Variants in GOSR1 observed in about 807,000 individuals in gnomAD.
GOSR1 encodes the protein golgi SNAP receptor complex member 1.
GOSR1 carries 21 observed loss-of-function variants against 35.5 expected under a neutral mutation model. The ratio of observed to expected loss-of-function variants is 0.59; its 90% CI spans 0.42 to 0.85. The LOEUF (loss-of-function observed/expected upper bound fraction) is 0.85, where lower values mean the gene tolerates loss of function less well. Ranked by LOEUF, GOSR1 falls within the 40% of genes least tolerant of loss-of-function variation. The probability of loss-of-function intolerance (pLI) is 0.00; values close to 1 mark genes in which losing one functional copy is unlikely to be tolerated. For synonymous variants in GOSR1, 94 were observed against 106.6 expected (o/e 0.88, Z 0.73); for missense variants, 285 against 309.6 (o/e 0.92, Z 0.60).
At chr17:30,509,806 TA>T (rs1194497886) in intron 6 of GOSR1, among the ~76,000 whole-genome samples, 1 of 151,864 alleles carries the variant, frequency 6.6e-6, no homozygotes, top group African/African-American at 2.4e-5. Context: ...AAATTTTAGT[TA>T]AAAAAAAGCC....
intron 6 of GOSR1, among the ~76,000 whole-genome samples, chr17:30,509,841 A>AT (rs1395279034): frequency 9.2e-5 from 14 of 152,250 alleles, no homozygotes; most frequent in African/African-American, 3.1e-4. Flanking sequence ...AGAAATAAAC[A>AT]TTAAGATGTA....
At chr17:30,485,142 A>G (rs917246309) in intron 4 of GOSR1, 5 of 320,896 alleles carry the variant, frequency 1.6e-5, no homozygotes, top group Admixed American at 4.2e-5. Context: ...TGGAGGGGGA[A>G]TTATTTACTA....
chr17:30,516,498 A>T (rs1967823826), intron 7 of GOSR1, among the ~76,000 whole-genome samples: 1 of 151,578 alleles, frequency 6.6e-6, no homozygotes, highest in South Asian at 2.1e-4. Flanking sequence ...AGAAAAAGTC[A>T]GTCTCCTGGT....
intron 4 of GOSR1, among the ~76,000 whole-genome samples, chr17:30,487,782 T>C (rs1433677069): frequency 1.3e-5 from 2 of 152,190 alleles, no homozygotes; most frequent in African/African-American, 4.8e-5. Flanking sequence ...TTTTTTTTTT[T>C]CTTGAGACGG....
chr17:30,477,610 G>C, intron 1 of GOSR1, 146 bp downstream of exon 1: 1 of 1,379,170 alleles, frequency 7.3e-7, no homozygotes, highest in Non-Finnish European at 9.5e-7. Flanking sequence ...GGGATCCCCG[G>C]GGCCTTGGGG....
At chr17:30,488,314 G>A (rs755073153) in intron 4 of GOSR1, among the ~76,000 whole-genome samples, 5 of 150,064 alleles carry the variant, frequency 3.3e-5, no homozygotes, top group East Asian at 2.0e-4. Context: ...CCAGGCGCTC[G>A]CCACCATGCC....
In GOSR1 at chr17:30,527,369, A is replaced by T. The variant is rs973477721; in HGVS notation, c.*4991A>T. 6.6e-6 allele frequency: 1 copy of T among 152,176 alleles called. No homozygotes were observed. The highest frequency in any genetic ancestry group is 2.4e-5 in the African/African-American group (1 of 41,446). The allele number at this position is 152,176 out of a possible 1,614,324, so 9.4% of individuals were successfully genotyped here. A position where few individuals can be genotyped will look rare whatever the true frequency, so the allele number is the denominator to read the frequency against. On this transcript the variant is annotated 3_prime_UTR_variant, in exon 9 of 9. Coordinates refer to ENST00000451249, the MANE Select transcript of GOSR1 (RefSeq NM_001007025.2). The stretch of plus-strand genomic sequence containing the variant: ...TGTCTCAAAAATAAATTAATTTTTT[A>T]AAAATCGTGTACTGCTGGGCTTTAG...
intron 1 of GOSR1, chr17:30,479,318 G>A (rs561644198): frequency 1.3e-5 from 2 of 152,222 alleles, no homozygotes; most frequent in East Asian, 1.9e-4. Flanking sequence ...CTGTGTGTGG[G>A]TGTCCAGACT....
intron 8 of GOSR1, chr17:30,520,246 A>G (rs1009638855): frequency 2.6e-6 from 1 of 386,304 alleles, no homozygotes; most frequent in African/African-American, 2.1e-5. Flanking sequence ...GATGTAGAAG[A>G]AAAAAATTAT....
chr17:30,492,809 C>A, intron 6 of GOSR1, 56 bp downstream of exon 6: 1 of 980,358 alleles, frequency 1.0e-6, no homozygotes, highest in Non-Finnish European at 1.7e-6. Context: ...AATTCATTTA[C>A]TTATGTAACC....
intron 4 of GOSR1, among the ~76,000 whole-genome samples, chr17:30,489,326 T>G (rs1455350868): frequency 6.6e-6 from 1 of 152,068 alleles, no homozygotes; most frequent in Non-Finnish European, 1.5e-5. Flanking sequence ...GTGTTTGCAG[T>G]GAGCTGAGAT....
chr17:30,488,130 G>T (rs1009621998), intron 4 of GOSR1, among the ~76,000 whole-genome samples: 5 of 122,156 alleles, frequency 4.1e-5, no homozygotes, highest in Admixed American at 1.6e-4. Flanking sequence ...TTTAAGCTCT[G>T]TTGAACTTAA....
intron 2 of GOSR1, 101 bp downstream of exon 2, chr17:30,481,358 T>A: frequency 2.6e-6 from 2 of 782,248 alleles, no homozygotes; most frequent in Non-Finnish European, 4.0e-6. Context: ...GGTCTATTGG[T>A]GAATTTTTGG....
At position 30,477,461 on chromosome 17, in the gene GOSR1, G is replaced by C. The variant is rs776489073; in HGVS notation, c.28G>C (p.Glu10Gln). Residue 10 changes from glutamate to glutamine, a missense_variant, in exon 1 of 9, where the codon GAA (glutamate) becomes CAA (glutamine). Around this residue, in one of 3 missense-constraint regions of GOSR1, gnomAD observed 108 missense variants for 98.9 expected, o/e 1.09. Transcript: ENST00000451249. ...GGCGGCAGGGACCAGCAGTTACTGG[G>C]AAGGTGAGGGCGAGAAGGCCTCCGG... MAAGTSSYW[E>Q]DLRKQARQLE... The C allele has an allele frequency of 6.2e-7, 1 of 1,608,460 alleles. No individual in the cohort carries two copies. The highest frequency in any genetic ancestry group is 8.5e-7 in the Non-Finnish European group (1 of 1,176,834).
At chr17:30,495,664 T>C in intron 6 of GOSR1, 1 of 280,176 alleles carries the variant, frequency 3.6e-6, no homozygotes, top group Non-Finnish European at 7.2e-6. Flanking sequence ...CTCATGAGTT[T>C]GTCTGTATTT....
chr17:30,496,336 A>C (rs1361105941), intron 6 of GOSR1, among the ~76,000 whole-genome samples: 1 of 152,148 alleles, frequency 6.6e-6, no homozygotes, highest in African/African-American at 2.4e-5. Flanking sequence ...TGCTGTCAAT[A>C]GGCACATCAG....
chr17:30,503,088 T>C (rs1967274732), intron 6 of GOSR1, among the ~76,000 whole-genome samples: 1 of 152,254 alleles, frequency 6.6e-6, no homozygotes, highest in South Asian at 2.1e-4. Context: ...CTTGTTTGCT[T>C]TCTTATTTAG....
At chr17:30,507,468 A>G (rs1195556722) in intron 6 of GOSR1, among the ~76,000 whole-genome samples, 1 of 152,156 alleles carries the variant, frequency 6.6e-6, no homozygotes, top group African/African-American at 2.4e-5. Flanking sequence ...TAATCCTGTA[A>G]TCCCAGCGCT....
intron 1 of GOSR1, chr17:30,477,792 A>C (rs1469182029): frequency 2.0e-6 from 2 of 985,324 alleles, no homozygotes; most frequent in Non-Finnish European, 1.2e-6. Context: ...GGCTTGGGGT[A>C]CGAACTCTGA....
Sources: allele counts gnomAD v4.1 joint callset (sites outside exome capture counted in the v4.1 genomes callset), GRCh38; gene constraint gnomAD v4.1.1; regional missense constraint gnomAD v4.1.1; transcripts MANE v1.5; gene names NCBI Gene and HGNC (gene_info 2026-07-23, HGNC 2026-07-21).